Variants in EPHA5 observed in about 807,000 individuals in gnomAD.
The protein encoded by EPHA5 is EPH receptor A5.
A neutral mutation model predicts 105.0 loss-of-function variants in EPHA5; 60 were observed. The observed-to-expected ratio is 0.57, with a 90% CI of 0.46 to 0.71. The LOEUF is 0.71. Among genes scored for constraint, EPHA5 ranks in the 30% least tolerant of loss-of-function variants. The pLI is 0.00. For missense variants in EPHA5, 1,218 were observed against 1,274.7 expected, an observed-to-expected ratio of 0.96 and a Z score of 0.68; for synonymous variants, 513 against 449.1, an observed-to-expected ratio of 1.14 and a Z score of -1.80.
intron 8 of EPHA5, among the ~76,000 whole-genome samples, chr4:65,387,968 T>A (rs1361182037): frequency 4.1e-5 from 1 of 24,646 alleles, no homozygotes; most frequent in Admixed American, 6.0e-4. Context: ...CCCTCCCCCC[T>A]CCCCCCACCC....
At chr4:65,371,064 C>T (rs867595892) in intron 8 of EPHA5, among the ~76,000 whole-genome samples, 1 of 151,980 alleles carries the variant, frequency 6.6e-6, no homozygotes, top group Non-Finnish European at 1.5e-5. Flanking sequence ...GTAAATTTTG[C>T]CTCTCATTTT....
At chr4:65,605,223 T>C (rs1380650989) in intron 2 of EPHA5, among the ~76,000 whole-genome samples, 1 of 152,164 alleles carries the variant, frequency 6.6e-6, no homozygotes, top group Non-Finnish European at 1.5e-5. Flanking sequence ...TCTAAACCCA[T>C]TGCTGGCCAG....
intron 3 of EPHA5, among the ~76,000 whole-genome samples, chr4:65,564,293 T>C (rs1739310052): frequency 1.3e-5 from 2 of 151,896 alleles, no homozygotes; most frequent in Non-Finnish European, 2.9e-5. Flanking sequence ...ACTAAAATAC[T>C]ACAACCATAT....
chr4:65,629,387 C>A (rs1369250624), intron 2 of EPHA5, among the ~76,000 whole-genome samples: 2 of 152,006 alleles, frequency 1.3e-5, no homozygotes, highest in African/African-American at 4.8e-5. Context: ...ACAGTCAAAG[C>A]ATCATAGAGG....
chr4:65,502,039 G>A (rs980610744), intron 3 of EPHA5, among the ~76,000 whole-genome samples: 4 of 151,716 alleles, frequency 2.6e-5, no homozygotes, highest in African/African-American at 9.7e-5. Context: ...TGGGATAGCT[G>A]GCTAGCTATA....
At chr4:65,472,918 T>C (rs554312439) in intron 5 of EPHA5, among the ~76,000 whole-genome samples, 1 of 152,228 alleles carries the variant, frequency 6.6e-6, no homozygotes, top group African/African-American at 2.4e-5. Context: ...CCCGAGAAAA[T>C]GGGTTTTTCT....
At chr4:65,473,608 G>A (rs1381947410) in intron 5 of EPHA5, among the ~76,000 whole-genome samples, 1 of 152,062 alleles carries the variant, frequency 6.6e-6, no homozygotes, top group Non-Finnish European at 1.5e-5. Flanking sequence ...GAACAACATG[G>A]GGGAAACTGG....
intron 14 of EPHA5, among the ~76,000 whole-genome samples, chr4:65,340,223 G>A (rs1353162797): frequency 2.0e-5 from 3 of 152,136 alleles, no homozygotes; most frequent in Admixed American, 2.0e-4. Flanking sequence ...ACAAGACACA[G>A]CTGAAGCACC....
At chr4:65,645,162 C>T (rs371135531) in intron 1 of EPHA5, among the ~76,000 whole-genome samples, 35 of 152,172 alleles carry the variant, frequency 2.3e-4, no homozygotes, top group African/African-American at 8.2e-4. Context: ...TTATGGTTGG[C>T]TTTCCTGATT....
At chr4:65,520,532 C>A (rs964506505) in intron 3 of EPHA5, among the ~76,000 whole-genome samples, 1 of 152,126 alleles carries the variant, frequency 6.6e-6, no homozygotes, top group East Asian at 1.9e-4. Flanking sequence ...CGAATGGGAT[C>A]TAATTAAACT....
chr4:65,522,334 A>ATATATATATAT (rs1560643533), intron 3 of EPHA5, among the ~76,000 whole-genome samples: 1 of 149,980 alleles, frequency 6.7e-6, no homozygotes, highest in Non-Finnish European at 1.5e-5. Context: ...ATATATATAT[A>ATATATATATAT]AAATCAACAG....
intron 2 of EPHA5, among the ~76,000 whole-genome samples, chr4:65,614,389 A>G (rs1398332675): frequency 6.6e-6 from 1 of 151,866 alleles, no homozygotes; most frequent in Non-Finnish European, 1.5e-5. Context: ...TTTTAACATA[A>G]TATCTTAGAT....
chr4:65,431,487 A>T (rs1270685132), intron 5 of EPHA5, among the ~76,000 whole-genome samples: 1 of 152,108 alleles, frequency 6.6e-6, no homozygotes, highest in Non-Finnish European at 1.5e-5. Context: ...GTACCAGCAC[A>T]TTCCTTTCCT....
chr4:65,604,691 G>A (rs141858565), intron 2 of EPHA5, among the ~76,000 whole-genome samples: 6 of 150,448 alleles, frequency 4.0e-5, no homozygotes, highest in Non-Finnish European at 8.9e-5. Flanking sequence ...TTAACATGAA[G>A]AGAATATCTT....
rs543487065 is a variant in EPHA5 at position 65,368,500 on chromosome 4, C to A, written c.1794-1076G>T. Among the ~76,000 whole-genome samples the A allele has an allele frequency of 2.6e-5, 4 of 152,174 alleles. No homozygotes were observed. In the East Asian group the frequency reaches 7.7e-4, roughly 29 times the overall value. ...TGTGTCCTTCACAACAAACTAGTGC[C>A]AAATCCCAGGAACTACGACCCATCT... On this transcript the variant is annotated intron_variant, in intron 8 of 16. Transcript: ENST00000613740.
chr4:65,553,755 T>C (rs1182983346), intron 3 of EPHA5, among the ~76,000 whole-genome samples: 2 of 152,062 alleles, frequency 1.3e-5, no homozygotes, highest in Non-Finnish European at 2.9e-5. Context: ...TATTACATTT[T>C]CGGATGTAGG....
At chr4:65,598,106 T>G (rs1422417135) in intron 3 of EPHA5, among the ~76,000 whole-genome samples, 2 of 152,178 alleles carry the variant, frequency 1.3e-5, no homozygotes, top group African/African-American at 4.8e-5. Context: ...TCTAATATAG[T>G]TTGGTTATCA....
At chr4:65,564,568 C>T (rs1043916492) in intron 3 of EPHA5, among the ~76,000 whole-genome samples, 13 of 151,414 alleles carry the variant, frequency 8.6e-5, no homozygotes, top group East Asian at 3.9e-4. Flanking sequence ...GAGCTCAGTC[C>T]CTATTTATAC....
intron 2 of EPHA5, among the ~76,000 whole-genome samples, chr4:65,626,108 A>AG (rs1441539101): frequency 5.9e-5 from 9 of 151,970 alleles, no homozygotes; most frequent in African/African-American, 2.2e-4. Context: ...CTCAAAAAAA[A>AG]AAAAAAAAAT....
Sources: gnomAD v4.1 joint callset for allele counts (sites outside exome capture counted in the v4.1 genomes callset) on GRCh38, gnomAD v4.1.1 for gene constraint, MANE v1.5 for transcripts, NCBI Gene and HGNC (gene_info 2026-07-23, HGNC 2026-07-21) for gene names.